SCAND3: variants seen among roughly 807,000 people sequenced by gnomAD.
SCAND3 encodes SCAN domain-containing protein 3.
chr6:28,608,580 T>C, the SCAND3 span, among the ~76,000 whole-genome samples: 1 of 152,226 alleles, frequency 6.6e-6, no homozygotes, highest in Non-Finnish European at 1.5e-5. Flanking sequence ...CCAGAGCTAG[T>C]ATGAAATATT....
At chr6:28,590,682 G>A in the SCAND3 span, 6 of 151,880 alleles carry the variant, frequency 4.0e-5, no homozygotes, top group South Asian at 2.1e-4. Context: ...TTTGATTTTC[G>A]CATACATACC....
At chr6:28,581,893 C>A in the SCAND3 span, among the ~76,000 whole-genome samples, 1 of 152,228 alleles carries the variant, frequency 6.6e-6, no homozygotes, top group Non-Finnish European at 1.5e-5. Context: ...AGAATAGACA[C>A]TGGGTTGGCA....
At chr6:28,575,529 A>G in the SCAND3 span, 1 of 1,613,840 alleles carries the variant, frequency 6.2e-7, no homozygotes, top group Non-Finnish European at 8.5e-7. This position sits in a 1 kb window ranked among gnomAD's most constrained non-coding sequence, Gnocchi z 4.2. Flanking sequence ...AATGCAAAAT[A>G]AATCTGTACT....
the SCAND3 span, among the ~76,000 whole-genome samples, chr6:28,577,359 A>G: frequency 5.3e-5 from 8 of 152,222 alleles, no homozygotes; most frequent in Non-Finnish European, 8.8e-5. Context: ...CATCATTTAT[A>G]CTATCAATTT....
At chr6:28,593,257 A>G in the SCAND3 span, among the ~76,000 whole-genome samples, 35 of 152,356 alleles carry the variant, frequency 2.3e-4, no homozygotes, top group South Asian at 6.6e-3. Flanking sequence ...GGACCTGAAC[A>G]GACATTTCTC....
chr6:28,583,633 T>A, the SCAND3 span, among the ~76,000 whole-genome samples: 3 of 152,268 alleles, frequency 2.0e-5, no homozygotes, highest in Admixed American at 1.3e-4. Flanking sequence ...AAGCTGTTTA[T>A]ATGGGTCCAA....
At chr6:28,577,333 C>A in the SCAND3 span, among the ~76,000 whole-genome samples, 1 of 152,136 alleles carries the variant, frequency 6.6e-6, no homozygotes, top group African/African-American at 2.4e-5. Flanking sequence ...TGGAAAAATA[C>A]TTTCACTCAA....
the SCAND3 span, among the ~76,000 whole-genome samples, chr6:28,611,138 C>A: frequency 1.3e-5 from 2 of 152,230 alleles, no homozygotes; most frequent in Non-Finnish European, 2.9e-5. Flanking sequence ...CATCTGCATT[C>A]ATCTCTCCCT....
At chr6:28,574,576 A>C in the SCAND3 span, 1 of 1,368,366 alleles carries the variant, frequency 7.3e-7, no homozygotes, top group Non-Finnish European at 1.0e-6. Flanking sequence ...GTCACACAAC[A>C]CTTATTCACA....
the SCAND3 span, among the ~76,000 whole-genome samples, chr6:28,602,069 GAAGA>G: frequency 2.6e-5 from 4 of 152,290 alleles, no homozygotes; most frequent in South Asian, 2.1e-4. Context: ...TGCCTGTGAA[GAAGA>G]AAGAAAGACT....
chr6:28,589,313 C>T, the SCAND3 span: 2 of 152,170 alleles, frequency 1.3e-5, no homozygotes, highest in Non-Finnish European at 2.9e-5. Flanking sequence ...CGGATCGGAA[C>T]TAGAAAGTTT....
the SCAND3 span, chr6:28,574,949 G>A: frequency 6.2e-7 from 1 of 1,613,642 alleles, no homozygotes; most frequent in African/African-American, 1.3e-5. Flanking sequence ...GCCACCTTAG[G>A]AGTGACAGAA....
At chr6:28,612,104 T>A in the SCAND3 span, among the ~76,000 whole-genome samples, 3 of 151,948 alleles carry the variant, frequency 2.0e-5, no homozygotes, top group African/African-American at 7.3e-5. Context: ...TGGCGCGATC[T>A]CAGCTCACTG....
the SCAND3 span, among the ~76,000 whole-genome samples, chr6:28,574,130 A>G: frequency 1.3e-5 from 2 of 152,172 alleles, no homozygotes; most frequent in African/African-American, 4.8e-5. Flanking sequence ...TCTATATTCT[A>G]TTCAGTAAGA....
the SCAND3 span, among the ~76,000 whole-genome samples, chr6:28,598,809 G>A: frequency 6.8e-6 from 1 of 147,928 alleles, no homozygotes; most frequent in African/African-American, 2.5e-5. Context: ...CTCAGGAAGT[G>A]GAAGTTGCAG....
the SCAND3 span, chr6:28,575,809 C>T: frequency 1.1e-5 from 17 of 1,613,672 alleles, no homozygotes; most frequent in East Asian, 4.5e-5. This position sits in a 1 kb window ranked among gnomAD's most constrained non-coding sequence, Gnocchi z 4.2. Flanking sequence ...TAAGTAATAC[C>T]GTATTTTATC....
At chr6:28,583,745 A>G in the SCAND3 span, among the ~76,000 whole-genome samples, 1 of 152,226 alleles carries the variant, frequency 6.6e-6, no homozygotes, top group Non-Finnish European at 1.5e-5. Context: ...GAAGCAGAAG[A>G]TAACTGAGAA....
the SCAND3 span, chr6:28,586,964 C>T: frequency 1.9e-6 from 1 of 513,668 alleles, no homozygotes; most frequent in Non-Finnish European, 3.4e-6. The surrounding 1 kb of genome is among the most constrained non-coding windows in gnomAD (Gnocchi z 4.4). Context: ...GAGCACAGAG[C>T]GACTCACTAA....
At chr6:28,586,166 C>T in the SCAND3 span, 2 of 707,248 alleles carry the variant, frequency 2.8e-6, no homozygotes, top group Admixed American at 2.3e-5. The surrounding 1 kb of genome is among the most constrained non-coding windows in gnomAD (Gnocchi z 4.4). Flanking sequence ...TATTCATCTA[C>T]ACCAGTGATC....
Sources: allele counts gnomAD v4.1 joint callset (sites outside exome capture counted in the v4.1 genomes callset), GRCh38; gene constraint gnomAD v4.1.1; non-coding constraint Gnocchi (gnomAD v3.1); transcripts MANE v1.5; gene names NCBI Gene and HGNC (gene_info 2026-07-23, HGNC 2026-07-21).